LHFPL6: variants seen among roughly 807,000 people sequenced by gnomAD.
LHFPL6 encodes the protein LHFPL tetraspan subfamily member 6 protein.
LHFPL6 carries 9 observed loss-of-function variants against 20.6 expected under a neutral mutation model. The observed-to-expected ratio is 0.44, with a 90% CI of 0.26 to 0.76. LHFPL6 has a LOEUF of 0.76. LHFPL6 is among the 30% of genes least tolerant of loss of function. The pLI is 0.20. For missense variants in LHFPL6, 218 were observed against 253.5 expected, an observed-to-expected ratio of 0.86 and a Z score of 0.95; for synonymous variants, 105 against 98.7, an observed-to-expected ratio of 1.06 and a Z score of -0.38.
chr13:39,595,570 G>C (rs1264621512), intron 2 of LHFPL6, among the ~76,000 whole-genome samples: 1 of 152,170 alleles, frequency 6.6e-6, no homozygotes, highest in Non-Finnish European at 1.5e-5. Flanking sequence ...TGGGATTATG[G>C]GTGTGAGCCA....
intron 3 of LHFPL6, among the ~76,000 whole-genome samples, chr13:39,359,966 T>C (rs1335687717): frequency 6.6e-6 from 1 of 152,220 alleles, no homozygotes; most frequent in Non-Finnish European, 1.5e-5. Flanking sequence ...TATGATGTTC[T>C]AGCTTAGAGT....
At chr13:39,461,663 G>GA (rs554603732) in intron 2 of LHFPL6, among the ~76,000 whole-genome samples, 13 of 149,564 alleles carry the variant, frequency 8.7e-5, no homozygotes, top group East Asian at 3.9e-4. Flanking sequence ...TGCCCAAAAG[G>GA]AAAAAAAAAC....
At chr13:39,562,511 T>TAC (rs1190322045) in intron 2 of LHFPL6, among the ~76,000 whole-genome samples, 79 of 146,946 alleles carry the variant, frequency 5.4e-4, no homozygotes, top group African/African-American at 1.7e-3. Flanking sequence ...TATACATATA[T>TAC]ACATATATAC....
At position 39,600,958 on chromosome 13, in the gene LHFPL6, T is replaced by C. The variant is rs1172678796; in HGVS notation, c.259A>G (p.Ile87Val). Reference protein sequence around the residue: ...IPSAEWRICTIVTGLGCGLLL... With the variant: ...IPSAEWRICTVVTGLGCGLLL... ...AGGCCACAACCCAGGCCGGTCACTA[T>C]GGTGCAGATCCTCCATTCTGCGCTG... is the stretch of plus-strand genomic sequence containing the variant. The change falls in exon 2 of 4, where the codon ATA becomes GTA. Residue 87 changes from isoleucine (I) to valine (V), a missense_variant. Physicochemically the swap from Ile to Val is conservative, Grantham distance 29. Coordinates refer to ENST00000379589, the MANE Select transcript of LHFPL6 (RefSeq NM_005780.3). 5.6e-6 allele frequency: 9 copies of C among 1,612,276 alleles called. No homozygotes were observed. In the South Asian group the frequency reaches 7.7e-5, roughly 14 times the overall value.
intron 2 of LHFPL6, among the ~76,000 whole-genome samples, chr13:39,568,601 T>C (rs1365843978): frequency 6.6e-6 from 1 of 152,236 alleles, no homozygotes; most frequent in African/African-American, 2.4e-5. Context: ...GAATATTCAT[T>C]CTAGAAATTA....
At chr13:39,567,463 G>A (rs2138527184) in intron 2 of LHFPL6, among the ~76,000 whole-genome samples, 1 of 152,304 alleles carries the variant, frequency 6.6e-6, no homozygotes, top group Admixed American at 6.5e-5. Context: ...GAAGTTACAA[G>A]TAAACAATCT....
At chr13:39,344,510 TACTGCC>T (rs1280409745) in intron 3 of LHFPL6, among the ~76,000 whole-genome samples, 2 of 152,212 alleles carry the variant, frequency 1.3e-5, no homozygotes, top group African/African-American at 4.8e-5. Context: ...CTAAGGTGAA[TACTGCC>T]ATTTATGTGG....
chr13:39,481,736 C>G (rs1311682873), intron 2 of LHFPL6, among the ~76,000 whole-genome samples: 1 of 152,090 alleles, frequency 6.6e-6, no homozygotes, highest in Non-Finnish European at 1.5e-5. Context: ...GGCAAGGATC[C>G]GATCATGCAA....
At chr13:39,518,273 T>C (rs1443116820) in intron 2 of LHFPL6, among the ~76,000 whole-genome samples, 1 of 152,190 alleles carries the variant, frequency 6.6e-6, no homozygotes, top group East Asian at 1.9e-4. Flanking sequence ...AACTTAAAGT[T>C]AGTTTTCCCA....
chr13:39,543,151 T>G (rs1870866044), intron 2 of LHFPL6, among the ~76,000 whole-genome samples: 1 of 152,232 alleles, frequency 6.6e-6, no homozygotes. Flanking sequence ...CATTTAATGT[T>G]TTCAAGGTGC....
intron 2 of LHFPL6, among the ~76,000 whole-genome samples, chr13:39,482,743 A>G (rs1868568973): frequency 6.6e-6 from 1 of 152,194 alleles, no homozygotes; most frequent in African/African-American, 2.4e-5. Context: ...GTAAGAGGGA[A>G]GCACAGACAG....
chr13:39,428,092 A>T lies in LHFPL6; in HGVS notation c.386-49566T>A, dbSNP rs142003167. ...GGAACTGTTTACTTGGCTCATTGGA[A>T]CTATAAGCCAATTAAAGCTCTTTTC... On this transcript the variant is annotated intron_variant, in intron 2 of 3. Transcript: ENST00000379589. 4.1e-3 allele frequency among the ~76,000 whole-genome samples: 620 copies of T among 152,300 alleles called. 6 individuals are homozygous for T. Among genetic ancestry groups the T allele is most frequent in the African/African-American group, 0.014 (591 of 41,566 alleles).
At chr13:39,479,034 TATAGATAG>T (rs34879497) in intron 2 of LHFPL6, among the ~76,000 whole-genome samples, 8,817 of 143,992 alleles carry the variant, frequency 0.061, 517 homozygotes, top group East Asian at 0.36. Flanking sequence ...GGGAGATAGA[TATAGATAG>T]ATAGATAGAT....
chr13:39,479,050 G>A (rs1868408814), intron 2 of LHFPL6, among the ~76,000 whole-genome samples: 1 of 146,914 alleles, frequency 6.8e-6, no homozygotes, highest in Admixed American at 6.9e-5. Flanking sequence ...TAGATAGATA[G>A]ATAGATAGAT....
intron 2 of LHFPL6, among the ~76,000 whole-genome samples, chr13:39,506,614 T>G (rs1869494828): frequency 1.3e-5 from 2 of 152,140 alleles, no homozygotes; most frequent in African/African-American, 4.8e-5. Flanking sequence ...ACTCAGCAGC[T>G]TAATCAACAG....
At chr13:39,463,348 G>T (rs542703598) in intron 2 of LHFPL6, among the ~76,000 whole-genome samples, 2 of 152,220 alleles carry the variant, frequency 1.3e-5, no homozygotes, top group South Asian at 4.1e-4. Flanking sequence ...GTGGAGAAAG[G>T]TACAGCCAAA....
intron 2 of LHFPL6, among the ~76,000 whole-genome samples, chr13:39,437,872 A>C (rs1872006451): frequency 6.6e-6 from 1 of 150,386 alleles, no homozygotes; most frequent in Non-Finnish European, 1.5e-5. Flanking sequence ...ACTGCACTCC[A>C]GCCTGGGTGA....
chr13:39,537,144 T>A (rs761824019), intron 2 of LHFPL6, among the ~76,000 whole-genome samples: 1 of 152,208 alleles, frequency 6.6e-6, no homozygotes, highest in Non-Finnish European at 1.5e-5. Context: ...CTTCCTGCCT[T>A]TCACTCTAGC....
At chr13:39,378,576 T>A in intron 2 of LHFPL6, 50 bp from the exon 3 acceptor site, 1 of 1,364,366 alleles carries the variant, frequency 7.3e-7, no homozygotes, top group Non-Finnish European at 1.0e-6. Context: ...TCTGCATCAC[T>A]AGATAAAGGT....
Sources: gnomAD v4.1 joint callset for allele counts (sites outside exome capture counted in the v4.1 genomes callset) on GRCh38, gnomAD v4.1.1 for gene constraint, MANE v1.5 for transcripts, NCBI Gene and HGNC (gene_info 2026-07-23, HGNC 2026-07-21) for gene names.